The following TMPRSS2 variants were observed in gnomAD, a reference collection of about 807,000 sequenced individuals.
TMPRSS2 encodes transmembrane protease serine 2.
Under a neutral mutation model 67.4 loss-of-function variants are expected in TMPRSS2, and 59 were observed. The observed-to-expected ratio is 0.88, with a 90% CI of 0.71 to 1.09. The LOEUF (loss-of-function observed/expected upper bound fraction) is 1.09. Among genes scored for constraint, TMPRSS2 ranks in the 50% least tolerant of loss-of-function variants. The pLI, the probability that TMPRSS2 is intolerant of heterozygous loss-of-function variation, is 0.00. For synonymous variants in TMPRSS2, 257 were observed against 257.0 expected (o/e 1.00, Z 0.00); for missense variants, 668 against 642.7 (o/e 1.04, Z -0.43).
Position 41,508,149 on chromosome 21 carries a change from G to C in TMPRSS2, c.-125C>G. ...TCCGCCTCCGCCTCCTGCTTAGCTC[G>C]CGCCTACTCGGCCCGGCCCGCCCTG... On this transcript the variant is annotated 5_prime_UTR_variant, in exon 1 of 14. Coordinates refer to ENST00000332149, the MANE Select transcript of TMPRSS2 (RefSeq NM_005656.4). 1.3e-6 allele frequency: 1 copy of C among 768,484 alleles called. No homozygotes were observed. The highest frequency in any genetic ancestry group is 4.4e-5 in the Admixed American group (1 of 22,878). 47.6% of individuals were successfully genotyped at this position (768,484 alleles called of 1,614,324 possible). A position where few individuals can be genotyped will look rare whatever the true frequency, so the allele number is the denominator to read the frequency against.
In TMPRSS2 at chr21:41,494,578, C is replaced by G. The variant is rs1466538703; in HGVS notation, c.16G>C (p.Gly6Arg). The stretch of plus-strand genomic sequence containing the variant: ...TAAGGTCCAATAGCTGGTGGTGACC[C>G]CTAAACAGTTGAAAAGAAGATGAAT... MALNS[G>R]SPPAIGPYYE... Residue 6 changes from glycine (G) to arginine (R), a missense_variant and splice_region_variant, in exon 3 of 14, where the codon GGG (glycine) becomes CGG (arginine). By Grantham distance (125) the Gly-to-Arg change is moderately radical. Transcript: ENST00000332149. The G allele has an allele frequency of 7.4e-6, 12 of 1,612,862 alleles. No homozygotes were observed. The highest frequency in any genetic ancestry group is 1.0e-5 in the Non-Finnish European group (12 of 1,179,732).
rs942652273 is a variant in TMPRSS2, at chr21:41,490,273, T to C, written c.239-680A>G. ...AAGCATAAGCAAAATAATAATACTG[T>C]CCTAAAAACTATCATCACTCTGTTA... On this transcript the variant is annotated intron_variant, in intron 3 of 13. Transcript: ENST00000332149. Among the ~76,000 whole-genome samples the C allele has an allele frequency of 1.6e-3, 247 of 151,680 alleles. 1 individual carries two copies. Among genetic ancestry groups the C allele is most frequent in the African/African-American group, 5.5e-3 (228 of 41,368 alleles).
chr21:41,475,527 GGGGT>G (rs2091200716), intron 8 of TMPRSS2, among the ~76,000 whole-genome samples: 2 of 31,128 alleles, frequency 6.4e-5, no homozygotes, highest in Non-Finnish European at 1.3e-4. Flanking sequence ...GGTGAGTGAG[GGGGT>G]GAAGGGTGAG....
chr21:41,507,282 G>A (rs1165901127), intron 1 of TMPRSS2, among the ~76,000 whole-genome samples: 2 of 152,158 alleles, frequency 1.3e-5, no homozygotes, highest in Admixed American at 6.5e-5. Context: ...GAGGTGGACC[G>A]AAGCGCCCAG....
intron 5 of TMPRSS2, among the ~76,000 whole-genome samples, chr21:41,481,102 A>C (rs1021980517): frequency 7.2e-5 from 11 of 152,234 alleles, no homozygotes; most frequent in African/African-American, 2.2e-4. Flanking sequence ...AAGAGAATTG[A>C]AAACAGGCAT....
In TMPRSS2 at chr21:41,479,153, A is replaced by C. The variant is rs1208070083; in HGVS notation, c.683+19T>G. The C allele has an allele frequency of 6.3e-7, 1 of 1,597,034 alleles. No homozygotes were observed. The highest frequency in any genetic ancestry group is 1.7e-5 in the Admixed American group (1 of 58,862). On this transcript the variant is annotated intron_variant, in intron 7 of 13. Transcript: ENST00000332149. ...GTTGATTTCATTCCAAAATTTTTCAAGAAGAAATTGCTGCATACCTGTGGT... is the reference window on the plus strand; with the variant it reads ...GTTGATTTCATTCCAAAATTTTTCACGAAGAAATTGCTGCATACCTGTGGT...
chr21:41,467,904 G>T lies in TMPRSS2; in HGVS notation c.1315-18C>A. The T allele has an allele frequency of 6.2e-7, 1 of 1,613,940 alleles. No homozygotes were observed. Among genetic ancestry groups the T allele is most frequent in the East Asian group, 2.2e-5 (1 of 44,876 alleles). ...CTGTCACCCTGTGGGACACAGCAAG[G>T]TACAGAGAGCAGAAAATCAAGTCAC... On this transcript the variant is annotated intron_variant, in intron 12 of 13. Transcript: ENST00000332149.
chr21:41,470,609 G>A (rs1477665079), intron 11 of TMPRSS2, 39 bp downstream of exon 11: 3 of 1,584,624 alleles, frequency 1.9e-6, no homozygotes, highest in Non-Finnish European at 8.6e-7. Flanking sequence ...TGCTCCATCT[G>A]TGGGCCCTGC....
chr21:41,482,738 G>A (rs2091265900), intron 5 of TMPRSS2, among the ~76,000 whole-genome samples: 2 of 152,280 alleles, frequency 1.3e-5, no homozygotes, highest in Non-Finnish European at 2.9e-5. Flanking sequence ...TCTGGACAAC[G>A]GAATATTATT....
Position 41,468,228 on chromosome 21 carries a change from T to C in TMPRSS2, c.1314+168A>G, listed in dbSNP as rs2091100756. Reference sequence around the variant, plus strand: ...GTGATTTGTTGACTGTACTTCCTTCTGCCACCAGAAGCGTTCGCACTGTTT... The same window carrying C: ...GTGATTTGTTGACTGTACTTCCTTCCGCCACCAGAAGCGTTCGCACTGTTT... On this transcript the variant is annotated intron_variant, in intron 12 of 13. Transcript: ENST00000332149. The C allele has an allele frequency of 6.2e-6, 5 of 802,246 alleles. No homozygotes were observed. The East Asian group carries it at 1.3e-4, about 21-fold the overall frequency. The allele number at this position is 802,246 out of a possible 1,614,324, so 49.7% of individuals were successfully genotyped here.
chr21:41,479,101 GACA>G (rs2091237695), intron 7 of TMPRSS2, 68 bp downstream of exon 7: 11 of 1,205,412 alleles, frequency 9.1e-6, no homozygotes, highest in East Asian at 2.3e-5. Context: ...TCAGACTCAG[GACA>G]ACGATTCCCC....
intron 5 of TMPRSS2, among the ~76,000 whole-genome samples, chr21:41,481,372 G>T (rs1490532113): frequency 6.6e-6 from 1 of 152,174 alleles, no homozygotes; most frequent in Admixed American, 6.5e-5. Context: ...CTTATATTGT[G>T]TGAGCCCACG....
chr21:41,476,553 A>T, intron 8 of TMPRSS2, 24 bp downstream of exon 8: 5 of 1,610,624 alleles, frequency 3.1e-6, no homozygotes, highest in Non-Finnish European at 4.2e-6. Flanking sequence ...GAAGTATCAA[A>T]AGGGGGACTC....
intron 2 of TMPRSS2, among the ~76,000 whole-genome samples, chr21:41,497,487 A>G (rs2091392118): frequency 6.6e-6 from 1 of 152,236 alleles, no homozygotes; most frequent in Admixed American, 6.5e-5. Flanking sequence ...ATTCCTGAGC[A>G]GTGGACTTGA....
In TMPRSS2 at chr21:41,484,732, A is replaced by G. The variant is rs561404433; in HGVS notation, c.445+3662T>C. Among the ~76,000 whole-genome samples, 5 of 152,240 alleles carry G rather than the reference A, an allele frequency of 3.3e-5. No homozygotes were observed. The South Asian group carries it at 8.3e-4, about 25-fold the overall frequency. On this transcript the variant is annotated intron_variant, in intron 5 of 13. Transcript: ENST00000332149. ...AGTTCTACTCCTGGAAGCGTTTCCT[A>G]CTGATATGCTCACACACTTGGAGCA...
chr21:41,470,786 C>G, intron 10 of TMPRSS2, 43 bp from the exon 11 acceptor site: 1 of 1,587,514 alleles, frequency 6.3e-7, no homozygotes, highest in East Asian at 2.3e-5. Flanking sequence ...GCGGGTATCA[C>G]CTATGTCTCC....
chr21:41,495,581 C>T (rs566203795), intron 2 of TMPRSS2, among the ~76,000 whole-genome samples: 1 of 146,508 alleles, frequency 6.8e-6, no homozygotes, highest in East Asian at 2.0e-4. Flanking sequence ...ATGGAGATCA[C>T]GTCACTACAC....
At chr21:41,494,641 A>G in intron 2 of TMPRSS2, 63 bp from the exon 3 acceptor site, 1 of 1,396,770 alleles carries the variant, frequency 7.2e-7, no homozygotes, top group South Asian at 1.2e-5. Flanking sequence ...GGTTACATAC[A>G]AACTATCACA....
chr21:41,465,962 G>A lies in TMPRSS2; in HGVS notation c.*180C>T, dbSNP rs1355672977. ...ACAAGGGGTTAGGGAGAGCAGGCTGGGCAGGGGAGCCACTGCAGCCTGCAC... is the reference window on the plus strand; with the variant it reads ...ACAAGGGGTTAGGGAGAGCAGGCTGAGCAGGGGAGCCACTGCAGCCTGCAC... On this transcript the variant is annotated 3_prime_UTR_variant, in exon 14 of 14. Transcript: ENST00000332149. 1 of 709,598 alleles carries A rather than the reference G, an allele frequency of 1.4e-6. No homozygotes were observed. The highest frequency in any genetic ancestry group is 1.9e-5 in the South Asian group (1 of 52,942). 44.0% of individuals were successfully genotyped at this position (709,598 alleles called of 1,614,324 possible). A position where few individuals can be genotyped will look rare whatever the true frequency, so the allele number is the denominator to read the frequency against.
Sources: gnomAD v4.1 joint callset for allele counts (sites outside exome capture counted in the v4.1 genomes callset) on GRCh38, gnomAD v4.1.1 for gene constraint, MANE v1.5 for transcripts, NCBI Gene and HGNC (gene_info 2026-07-23, HGNC 2026-07-21) for gene names.